Variants in RUVBL1 observed in about 807,000 individuals in gnomAD.
The protein encoded by RUVBL1 is ruvB-like 1.
A neutral mutation model predicts 52.4 loss-of-function variants in RUVBL1; 4 were observed. The observed-to-expected ratio is 0.08, with a 90% CI of 0.04 to 0.17. The LOEUF (loss-of-function observed/expected upper bound fraction) is 0.17, where lower values mean the gene tolerates loss of function less well. Among genes scored for constraint, RUVBL1 ranks in the 10% least tolerant of loss-of-function variants. The pLI is 1.00. For missense variants in RUVBL1, 298 were observed against 572.8 expected (o/e 0.52, Z 4.90); for synonymous variants, 217 against 214.4 (o/e 1.01, Z -0.10).
intron 9 of RUVBL1, among the ~76,000 whole-genome samples, chr3:128,073,309 C>T (rs991229960): frequency 6.6e-6 from 1 of 152,208 alleles, no homozygotes; most frequent in Non-Finnish European, 1.5e-5. Flanking sequence ...TGCTGCTTTA[C>T]CACTGCCTCC....
At chr3:128,092,884 T>C (rs1942877293) in intron 8 of RUVBL1, among the ~76,000 whole-genome samples, 2 of 152,128 alleles carry the variant, frequency 1.3e-5, no homozygotes, top group African/African-American at 4.8e-5. Context: ...CACTTAAAAA[T>C]GTTGTACATA....
intron 1 of RUVBL1, among the ~76,000 whole-genome samples, chr3:128,132,263 G>A (rs1273268906): frequency 2.6e-5 from 4 of 152,168 alleles, no homozygotes; most frequent in Admixed American, 2.6e-4. Flanking sequence ...CCTCATCACC[G>A]CAGGCTAAAG....
Position 128,119,321 on chromosome 3 carries a change from T to A in RUVBL1, c.228+7A>T. ...GGTAGATTTAAAAAATGAGAGAAAA[T>A]GAGTACCTTGCCAGTTCCAGGAGGT... On this transcript the variant is annotated splice_region_variant and intron_variant, in intron 2 of 10. Coordinates refer to ENST00000322623, the MANE Select transcript of RUVBL1 (RefSeq NM_003707.3). The A allele has an allele frequency of 6.2e-7, 1 of 1,611,250 alleles. No homozygotes were observed. Among genetic ancestry groups the A allele is most frequent in the Non-Finnish European group, 8.5e-7 (1 of 1,178,046 alleles).
exon 10 of RUVBL1, chr3:128,065,091 A>G: frequency 6.3e-7 from 1 of 1,580,646 alleles, no homozygotes; most frequent in South Asian, 1.1e-5. Context: ...TAAGTTTCAG[A>G]ATGCCTTGTG....
Position 128,067,395 on chromosome 3 carries a change from C to T in RUVBL1, c.940-2175G>A, listed in dbSNP as rs1015585062. 8 of 1,597,584 alleles carry T rather than the reference C, an allele frequency of 5.0e-6. No homozygotes were observed. The highest frequency in any genetic ancestry group is 6.8e-6 in the Non-Finnish European group (8 of 1,172,998). On this transcript the variant is annotated intron_variant, in intron 9 of 9. Coordinates refer to the RUVBL1 transcript ENST00000464873. The surrounding 1 kb of genome is among the most constrained non-coding windows in gnomAD (Gnocchi z 4.1). ...CTAAAGTAAAATGAAGGAGCACTCACATGCGTTTGGTTTCTTCTTCCCCAG... is the reference window on the plus strand; with the variant it reads ...CTAAAGTAAAATGAAGGAGCACTCATATGCGTTTGGTTTCTTCTTCCCCAG...
intron 1 of RUVBL1, among the ~76,000 whole-genome samples, chr3:128,144,528 C>G (rs974200181): frequency 6.6e-6 from 1 of 152,190 alleles, no homozygotes; most frequent in Non-Finnish European, 1.5e-5. Context: ...AGGGGGCCCA[C>G]GGAGTCTGTT....
At chr3:128,129,445 A>G (rs1943843384) in intron 1 of RUVBL1, among the ~76,000 whole-genome samples, 1 of 152,204 alleles carries the variant, frequency 6.6e-6, no homozygotes, top group Non-Finnish European at 1.5e-5. Flanking sequence ...ATGAACAGCT[A>G]TAATAAAAAA....
intron 7 of RUVBL1, among the ~76,000 whole-genome samples, chr3:128,098,212 C>T (rs1330101304): frequency 8.5e-5 from 13 of 152,158 alleles, no homozygotes; most frequent in Non-Finnish European, 1.8e-4. Flanking sequence ...AGATCTGAGG[C>T]AGCGTCTTCC....
At chr3:128,108,107 C>T (rs775800849) in intron 3 of RUVBL1, among the ~76,000 whole-genome samples, 16 of 152,188 alleles carry the variant, frequency 1.1e-4, no homozygotes, top group Non-Finnish European at 2.4e-4. Context: ...CATCTGCTGG[C>T]TCAGGTTTCT....
At chr3:128,072,205 A>G (rs1326312797) in intron 9 of RUVBL1, among the ~76,000 whole-genome samples, 1 of 152,122 alleles carries the variant, frequency 6.6e-6, no homozygotes, top group African/African-American at 2.4e-5. Flanking sequence ...TTCTGTTTCT[A>G]CACCAAGCCC....
chr3:128,089,939 A>C (rs1040794859), intron 8 of RUVBL1, among the ~76,000 whole-genome samples: 6 of 126,090 alleles, frequency 4.8e-5, no homozygotes, highest in Admixed American at 7.9e-5. Flanking sequence ...AAAAAAAAAA[A>C]ACACAGAAAT....
In RUVBL1 at chr3:128,074,796, G is replaced by A. The variant is rs529619616; in HGVS notation, c.940-9576C>T. ...GGCGGTGGTTGCAGTAAGCTGAGAT[G>A]GCGCCATTGCATTCCAGCCTGGGCA... On this transcript the variant is annotated intron_variant, in intron 9 of 9. Coordinates refer to the RUVBL1 transcript ENST00000464873. Among the ~76,000 whole-genome samples the A allele has an allele frequency of 1.0e-4, 14 of 138,904 alleles. No individual in the cohort carries two copies. The South Asian group carries it at 3.1e-3, about 30-fold the overall frequency. 91.1% of individuals were successfully genotyped at this position (138,904 alleles called of 152,430 possible).
chr3:128,072,815 C>T (rs532412247), intron 9 of RUVBL1, among the ~76,000 whole-genome samples: 3 of 152,206 alleles, frequency 2.0e-5, no homozygotes, highest in East Asian at 1.9e-4. Flanking sequence ...TGAGAGCAAA[C>T]GGAGCCCACA....
Position 128,081,481 on chromosome 3 carries a change from T to C in RUVBL1, c.1212-72A>G. ...AGAAAGCACCTTCCCCCCACATCAG[T>C]AGGCAGCACTGGCACCAGGAGCAGA... is the stretch of plus-strand genomic sequence containing the variant. On this transcript the variant is annotated intron_variant, in intron 10 of 10. Transcript: ENST00000322623. The surrounding 1 kb of genome is among the most constrained non-coding windows in gnomAD (Gnocchi z 4.8). 6.8e-7 allele frequency: 1 copy of C among 1,476,386 alleles called. No individual in the cohort carries two copies. Among genetic ancestry groups the C allele is most frequent in the Non-Finnish European group, 9.2e-7 (1 of 1,082,296 alleles). The allele number at this position is 1,476,386 out of a possible 1,614,324, so 91.5% of individuals were successfully genotyped here.
intron 1 of RUVBL1, among the ~76,000 whole-genome samples, chr3:128,144,893 A>C (rs1944080282): frequency 6.6e-6 from 1 of 152,186 alleles, no homozygotes; most frequent in Non-Finnish European, 1.5e-5. Flanking sequence ...TAGGCAGAGC[A>C]CTGGATTTCT....
At chr3:128,115,962 C>A (rs567492051) in intron 2 of RUVBL1, among the ~76,000 whole-genome samples, 17 of 151,732 alleles carry the variant, frequency 1.1e-4, no homozygotes, top group Non-Finnish European at 2.4e-4. Flanking sequence ...CCCATCTCTA[C>A]GAAAACTACA....
At chr3:128,132,599 T>G (rs1943896530) in intron 1 of RUVBL1, among the ~76,000 whole-genome samples, 1 of 152,134 alleles carries the variant, frequency 6.6e-6, no homozygotes, top group Non-Finnish European at 1.5e-5. Flanking sequence ...GGCCCTTATT[T>G]CAGGCTCTAG....
intron 9 of RUVBL1, among the ~76,000 whole-genome samples, chr3:128,071,856 T>C (rs531546793): frequency 6.6e-6 from 1 of 152,316 alleles, no homozygotes; most frequent in Admixed American, 6.5e-5. Flanking sequence ...ACATTTGTGA[T>C]AAAGTGATAT....
intron 2 of RUVBL1, among the ~76,000 whole-genome samples, chr3:128,118,637 C>T (rs1469452972): frequency 6.6e-6 from 1 of 152,188 alleles, no homozygotes; most frequent in African/African-American, 2.4e-5. Context: ...AGAAGCCACA[C>T]GGTGTCCTCT....
Sources: gnomAD v4.1 joint callset for allele counts (sites outside exome capture counted in the v4.1 genomes callset) on GRCh38, gnomAD v4.1.1 for gene constraint, Gnocchi (gnomAD v3.1) non-coding constraint, MANE v1.5 for transcripts, NCBI Gene and HGNC (gene_info 2026-07-23, HGNC 2026-07-21) for gene names.